MARCHF3: variants seen among roughly 807,000 people sequenced by gnomAD.
The protein encoded by MARCHF3 is membrane associated ring-CH-type finger 3.
Under a neutral mutation model 24.2 loss-of-function variants are expected in MARCHF3, and 13 were observed. The observed-to-expected ratio is 0.54, with a 90% CI of 0.35 to 0.85. MARCHF3 has a LOEUF of 0.85. MARCHF3 is among the 40% of genes least tolerant of loss of function. MARCHF3 has a pLI of 0.01. For missense variants in MARCHF3, 276 were observed against 325.0 expected (o/e 0.85, Z 1.16); for synonymous variants, 144 against 137.3 (o/e 1.05, Z -0.34).
intron 1 of MARCHF3, among the ~76,000 whole-genome samples, chr5:126,974,526 T>G (rs1751129872): frequency 6.6e-6 from 1 of 152,248 alleles, no homozygotes; most frequent in Non-Finnish European, 1.5e-5. Context: ...ACTCTTGCCC[T>G]TGTATTTTGT....
chr5:126,998,592 G>A (rs747364316), intron 1 of MARCHF3, among the ~76,000 whole-genome samples: 24 of 152,164 alleles, frequency 1.6e-4, no homozygotes, highest in Non-Finnish European at 2.6e-4. Context: ...TCACACTCAC[G>A]CTGGGGAGAA....
intron 3 of MARCHF3, among the ~76,000 whole-genome samples, chr5:126,901,065 A>G (rs1754089710): frequency 6.6e-6 from 1 of 152,062 alleles, no homozygotes; most frequent in Non-Finnish European, 1.5e-5. Context: ...AGTATTTAAG[A>G]TCAATGAAGA....
intron 1 of MARCHF3, among the ~76,000 whole-genome samples, chr5:126,999,950 T>C (rs1368735766): frequency 6.6e-6 from 1 of 151,394 alleles, no homozygotes; most frequent in Non-Finnish European, 1.5e-5. Flanking sequence ...CTAGTGAGAC[T>C]CTGACTTAAG....
intron 3 of MARCHF3, among the ~76,000 whole-genome samples, chr5:126,901,875 T>C (rs965045032): frequency 1.1e-4 from 16 of 152,094 alleles, no homozygotes; most frequent in African/African-American, 3.9e-4. Flanking sequence ...AGTTATTCAG[T>C]GACATTTCAA....
chr5:126,954,962 C>T (rs1196707948), intron 1 of MARCHF3, among the ~76,000 whole-genome samples: 2 of 152,022 alleles, frequency 1.3e-5, no homozygotes, highest in Non-Finnish European at 2.9e-5. Flanking sequence ...AATATTTTTA[C>T]TACACATAGG....
intron 1 of MARCHF3, among the ~76,000 whole-genome samples, chr5:127,026,117 A>G (rs1221601092): frequency 6.6e-6 from 1 of 152,178 alleles, no homozygotes; most frequent in East Asian, 1.9e-4. Flanking sequence ...AAAAAGTTAT[A>G]ATAGAATTGT....
intron 1 of MARCHF3, among the ~76,000 whole-genome samples, chr5:126,994,579 A>G (rs1452316172): frequency 2.0e-5 from 3 of 152,268 alleles, no homozygotes; most frequent in African/African-American, 7.2e-5. Flanking sequence ...AGAAAGGCAG[A>G]CTTCAAAACA....
intron 3 of MARCHF3, among the ~76,000 whole-genome samples, chr5:126,888,253 T>C (rs1259941207): frequency 1.3e-5 from 2 of 152,218 alleles, no homozygotes; most frequent in African/African-American, 4.8e-5. Flanking sequence ...GGCTGAAGCA[T>C]AAAGTCATAT....
At chr5:126,962,728 G>A (rs1750677690) in intron 1 of MARCHF3, among the ~76,000 whole-genome samples, 1 of 151,492 alleles carries the variant, frequency 6.6e-6, no homozygotes, top group Non-Finnish European at 1.5e-5. Flanking sequence ...ATCTCATTAT[G>A]TATATGCAAA....
intron 1 of MARCHF3, among the ~76,000 whole-genome samples, chr5:127,000,824 G>A (rs1281200801): frequency 6.7e-6 from 1 of 150,140 alleles, no homozygotes; most frequent in Non-Finnish European, 1.5e-5. Context: ...CCGCCACCAC[G>A]CCCGGCTAAT....
At chr5:126,934,022 A>C (rs1489348228) in intron 1 of MARCHF3, among the ~76,000 whole-genome samples, 1 of 152,192 alleles carries the variant, frequency 6.6e-6, no homozygotes, top group East Asian at 1.9e-4. Context: ...CTGCTTCAGT[A>C]AACTGCATTA....
At chr5:126,911,000 C>T (rs1037348645) in intron 3 of MARCHF3, among the ~76,000 whole-genome samples, 1 of 152,186 alleles carries the variant, frequency 6.6e-6, no homozygotes, top group African/African-American at 2.4e-5. Flanking sequence ...ATGGTCGAAG[C>T]TGTAGGGATG....
At chr5:126,958,872 A>G (rs1750541363) in intron 1 of MARCHF3, among the ~76,000 whole-genome samples, 1 of 152,214 alleles carries the variant, frequency 6.6e-6, no homozygotes, top group African/African-American at 2.4e-5. Context: ...ACCACTAATG[A>G]CCAACAGTGG....
At chr5:126,914,872 A>C in intron 3 of MARCHF3, 58 bp downstream of exon 3, 1 of 1,574,342 alleles carries the variant, frequency 6.4e-7, no homozygotes, top group Non-Finnish European at 8.7e-7. Flanking sequence ...CCAGGCATAA[A>C]AACAGACATC....
chr5:127,009,586 T>C (rs1173992586), intron 1 of MARCHF3, among the ~76,000 whole-genome samples: 1 of 152,210 alleles, frequency 6.6e-6, no homozygotes, highest in Non-Finnish European at 1.5e-5. Flanking sequence ...GGGACAGAGT[T>C]AACTGTGTGA....
chr5:127,010,740 T>C (rs887910328), intron 1 of MARCHF3, among the ~76,000 whole-genome samples: 3 of 152,142 alleles, frequency 2.0e-5, no homozygotes, highest in East Asian at 1.9e-4. Flanking sequence ...CTTAAAAAGG[T>C]AGGAAATTCT....
chr5:126,899,035 C>T, intron 3 of MARCHF3: 1 of 985,312 alleles, frequency 1.0e-6, no homozygotes. Context: ...ACATAACCTT[C>T]TTCTCACATA....
chr5:126,878,206 A>G lies in MARCHF3; in HGVS notation c.582T>C (p.Thr194=), dbSNP rs1238103346. The part of the protein sequence containing the change: ...GLIALTVALF[T]IYLFWTLVSF... ...TTACTAGTGTCCAAAAGAGGTAAAT[A>G]GTGAAGAGTGCGACAGTGAGTGCAA... The change falls in exon 4 of 5, where the codon ACT becomes ACC. Residue 194 remains threonine, a synonymous_variant. Transcript: ENST00000308660. 6.2e-7 allele frequency: 1 copy of G among 1,614,258 alleles called. No homozygotes were observed. The highest frequency in any genetic ancestry group is 1.1e-5 in the South Asian group (1 of 91,086).
At chr5:126,896,586 C>G (rs1753927510) in intron 3 of MARCHF3, among the ~76,000 whole-genome samples, 1 of 152,054 alleles carries the variant, frequency 6.6e-6, no homozygotes, top group African/African-American at 2.4e-5. Flanking sequence ...ATAACTAGCC[C>G]AGTCTCTGTC....
Sources: gnomAD v4.1 joint callset for allele counts (sites outside exome capture counted in the v4.1 genomes callset) on GRCh38, gnomAD v4.1.1 for gene constraint, MANE v1.5 for transcripts, NCBI Gene and HGNC (gene_info 2026-07-23, HGNC 2026-07-21) for gene names.